Variants in OVCH2 observed in about 807,000 individuals in gnomAD.
OVCH2 encodes the protein ovochymase 2.
Under a neutral mutation model 73.7 loss-of-function variants are expected in OVCH2, and 88 were observed. The ratio of observed to expected loss-of-function variants is 1.19; its 90% CI spans 1.01 to 1.43. The LOEUF is 1.43. Ranked by LOEUF, OVCH2 falls within the 40% of genes most tolerant of loss-of-function variation. The pLI, the probability that OVCH2 is intolerant of heterozygous loss-of-function variation, is 0.00. For missense variants in OVCH2, 706 were observed against 674.5 expected, an observed-to-expected ratio of 1.05 and a Z score of -0.52; for synonymous variants, 265 against 234.5, an observed-to-expected ratio of 1.13 and a Z score of -1.19.
At chr11:7,694,926 T>C (rs571319662) in intron 12 of OVCH2, 132 bp downstream of exon 12, 8 of 1,008,430 alleles carry the variant, frequency 7.9e-6, no homozygotes, top group South Asian at 3.5e-5. Flanking sequence ...CAGCTTTGTG[T>C]GTCAGGTGCT....
rs571281938 is a variant in OVCH2, at chr11:7,700,233, C to T, written c.901+63G>A. 17 of 1,522,118 alleles carry T rather than the reference C, an allele frequency of 1.1e-5. No homozygotes were observed. In the East Asian group the frequency reaches 3.4e-4, roughly 31 times the overall value. 94.3% of individuals were successfully genotyped at this position (1,522,118 alleles called of 1,614,324 possible). A position where few individuals can be genotyped will look rare whatever the true frequency, so the allele number is the denominator to read the frequency against. Reference sequence around the variant, plus strand: ...GGTGCTCTGATTTGCCAGGACTCTGCTGATGCTGTCTCTGGCCCTAGCAGA... The same window carrying T: ...GGTGCTCTGATTTGCCAGGACTCTGTTGATGCTGTCTCTGGCCCTAGCAGA... On this transcript the variant is annotated intron_variant, in intron 7 of 15. Coordinates refer to ENST00000533663, the MANE Select transcript of OVCH2 (RefSeq NM_198185.7).
chr11:7,700,759 CAG>C (rs1022767469), intron 6 of OVCH2, among the ~76,000 whole-genome samples: 2 of 152,288 alleles, frequency 1.3e-5, no homozygotes, highest in Admixed American at 1.3e-4. Flanking sequence ...GCTGCAGACT[CAG>C]AGAAGTCTTG....
chr11:7,687,136 C>T (rs1727877891), downstream of OVCH2, among the ~76,000 whole-genome samples: 1 of 147,660 alleles, frequency 6.8e-6, no homozygotes, highest in South Asian at 2.1e-4. Context: ...CCCAACCCCG[C>T]AAAAAAAAAG....
chr11:7,701,012 A>T (rs537947717), intron 6 of OVCH2, among the ~76,000 whole-genome samples: 1 of 152,072 alleles, frequency 6.6e-6, no homozygotes, highest in Non-Finnish European at 1.5e-5. Context: ...CTGTCCCTTT[A>T]TTTTGATGTA....
chr11:7,700,189 G>T, intron 7 of OVCH2, 107 bp downstream of exon 7: 2 of 1,069,770 alleles, frequency 1.9e-6, no homozygotes, highest in East Asian at 2.5e-5. Flanking sequence ...TGAGAACAGA[G>T]GTAGAGCCTG....
Position 7,696,697 on chromosome 11 carries a change from G to T in OVCH2, c.1016+12C>A. The T allele has an allele frequency of 6.2e-6, 10 of 1,613,848 alleles. No individual in the cohort carries two copies. The highest frequency in any genetic ancestry group is 8.5e-6 in the Non-Finnish European group (10 of 1,179,822). On this transcript the variant is annotated intron_variant, in intron 9 of 15. Coordinates refer to ENST00000533663, the MANE Select transcript of OVCH2 (RefSeq NM_198185.7). ...GGGAGTAAGGAGGAGGAGTACAAAG[G>T]GGGTTACTCACTGCTTGCTCTCATA...
In OVCH2 at chr11:7,704,691, A is replaced by G. The variant is rs572757634; in HGVS notation, c.89-17T>C. 1.2e-5 allele frequency: 19 copies of G among 1,537,004 alleles called. No homozygotes were observed. In the South Asian group the frequency reaches 2.2e-4, roughly 18 times the overall value. Reference sequence around the variant, plus strand: ...AACTGGGAGCTGAGAAAAAAACGAGACAAACTAAATGATTAGATAGCTTCT... The same window carrying G: ...AACTGGGAGCTGAGAAAAAAACGAGGCAAACTAAATGATTAGATAGCTTCT... On this transcript the variant is annotated splice_polypyrimidine_tract_variant and intron_variant, in intron 1 of 15. Transcript: ENST00000533663.
chr11:7,701,791 A>G lies in OVCH2; in HGVS notation c.484T>C (p.Cys162Arg). Residue 162 changes from cysteine (C) to arginine (R), a missense_variant, in exon 5 of 16, where the codon TGT becomes CGT. Physicochemically the swap from Cys to Arg is radical, Grantham distance 180. Coordinates refer to ENST00000533663, the MANE Select transcript of OVCH2 (RefSeq NM_198185.7). Reference sequence around the variant, plus strand: ...AATTGCTCCCGCAGCTCTGGAAGACATATGGGCCCCACAAAGTGGCCTGAA... The same window carrying G: ...AATTGCTCCCGCAGCTCTGGAAGACGTATGGGCCCCACAAAGTGGCCTGAA... ...FQFGHFVGPI[C>R]LPELREQFEA... 1 of 1,611,868 alleles carries G rather than the reference A, an allele frequency of 6.2e-7. No individual in the cohort carries two copies. The highest frequency in any genetic ancestry group is 1.3e-5 in the African/African-American group (1 of 74,950).
chr11:7,680,497 A>G, the OVCH2 span, among the ~76,000 whole-genome samples: 2 of 152,136 alleles, frequency 1.3e-5, no homozygotes, highest in South Asian at 2.1e-4. Flanking sequence ...AAGGGTCTTT[A>G]TAAGAGAGTC....
rs556181626 is a variant in OVCH2, at chr11:7,691,511, G to A, written c.1508-111C>T. On this transcript the variant is annotated intron_variant, in intron 13 of 15. Coordinates refer to ENST00000533663, the MANE Select transcript of OVCH2 (RefSeq NM_198185.7). ...CCTTCAGGTAATTGTTGAGAAATAC[G>A]CTTTTCACAATTCATTTTCTAAATA... 5.3e-5 allele frequency: 70 copies of A among 1,326,692 alleles called. No individual in the cohort carries two copies. The South Asian group carries it at 8.2e-4, about 15-fold the overall frequency. 82.2% of individuals were successfully genotyped at this position (1,326,692 alleles called of 1,614,324 possible). A position where few individuals can be genotyped will look rare whatever the true frequency, so the allele number is the denominator to read the frequency against.
At chr11:7,700,904 C>T (rs561657505) in intron 6 of OVCH2, among the ~76,000 whole-genome samples, 3 of 152,258 alleles carry the variant, frequency 2.0e-5, no homozygotes, top group South Asian at 4.1e-4. Context: ...GGGAGAACCC[C>T]GAGTTCATTC....
Position 7,695,043 on chromosome 11 carries a change from A to G in OVCH2, c.1413+15T>C. 2 of 1,546,998 alleles carry G rather than the reference A, an allele frequency of 1.3e-6. No individual in the cohort carries two copies. Among genetic ancestry groups the G allele is most frequent in the Non-Finnish European group, 1.7e-6 (2 of 1,145,816 alleles). On this transcript the variant is annotated intron_variant, in intron 12 of 15. Transcript: ENST00000533663. ...GAATTTACCATAGCTACGTAAGGAC[A>G]GCCAAAGTCAATACCTTAATTAGGT...
chr11:7,685,793 G>T (rs1856136274), downstream of OVCH2, among the ~76,000 whole-genome samples: 1 of 152,086 alleles, frequency 6.6e-6, no homozygotes, highest in Non-Finnish European at 1.5e-5. Context: ...TACCTATCTA[G>T]CTCAGCTAGG....
At chr11:7,703,285 G>A (rs949327369) in intron 3 of OVCH2, among the ~76,000 whole-genome samples, 1 of 152,160 alleles carries the variant, frequency 6.6e-6, no homozygotes, top group African/African-American at 2.4e-5. Flanking sequence ...CAATGGGAAG[G>A]AAGACAGGGA....
At chr11:7,694,356 T>C in intron 12 of OVCH2, among the ~76,000 whole-genome samples, 1 of 152,164 alleles carries the variant, frequency 6.6e-6, no homozygotes, top group South Asian at 2.1e-4. Context: ...CTCCATACAG[T>C]GACTTCCACC....
At chr11:7,694,914 G>T in intron 12 of OVCH2, 144 bp downstream of exon 12, 4 of 833,374 alleles carry the variant, frequency 4.8e-6, no homozygotes, top group Non-Finnish European at 5.1e-6. Context: ...AGTATTTATT[G>T]ACAGCTTTGT....
At chr11:7,682,240 C>T in the OVCH2 span, among the ~76,000 whole-genome samples, 27 of 152,352 alleles carry the variant, frequency 1.8e-4, no homozygotes, top group African/African-American at 5.5e-4. Flanking sequence ...CATCACATCG[C>T]TGGACAGTAG....
At chr11:7,702,136 G>A (rs4373911) in intron 4 of OVCH2, 21 bp downstream of exon 4, 1,560,109 of 1,578,962 alleles carry the variant, frequency 0.99, 772,385 homozygotes, top group East Asian at 1. Context: ...AGACAATTCA[G>A]TATGATCCTC....
chr11:7,697,091 C>T, intron 8 of OVCH2: 1 of 386,812 alleles, frequency 2.6e-6, no homozygotes, highest in Non-Finnish European at 4.7e-6. Flanking sequence ...GGGTGGAGTG[C>T]AGTGGCACGA....
Sources: allele counts gnomAD v4.1 joint callset (sites outside exome capture counted in the v4.1 genomes callset), GRCh38; gene constraint gnomAD v4.1.1; transcripts MANE v1.5; gene names NCBI Gene and HGNC (gene_info 2026-07-23, HGNC 2026-07-21).